The following TOX2 variants were observed in gnomAD, a reference collection of about 807,000 sequenced individuals.
TOX2 encodes TOX high mobility group box family member 2.
In TOX2, 15 loss-of-function variants were observed where a neutral mutation model predicts 47.4. The ratio of observed to expected loss-of-function variants is 0.32; its 90% CI spans 0.21 to 0.49. The LOEUF (loss-of-function observed/expected upper bound fraction) is 0.49. Among genes scored for constraint, TOX2 ranks in the 20% least tolerant of loss-of-function variants. The pLI is 0.99. For synonymous variants in TOX2, 290 were observed against 296.6 expected (o/e 0.98, Z 0.23); for missense variants, 622 against 673.1 (o/e 0.92, Z 0.84).
chr20:43,959,065 T>A (rs560646175), intron 1 of TOX2, among the ~76,000 whole-genome samples: 1 of 152,308 alleles, frequency 6.6e-6, no homozygotes, highest in East Asian at 1.9e-4. Flanking sequence ...TCAGAAGGGT[T>A]CAATAGTCAA....
Position 43,957,567 on chromosome 20 carries a change from CTTTT to C in TOX2, c.100-15783_100-15780del, listed in dbSNP as rs35133028. 2.3e-3 allele frequency among the ~76,000 whole-genome samples: 247 copies of C among 105,782 alleles called. 1 individual carries two copies. The highest frequency in any genetic ancestry group is 7.2e-3 in the African/African-American group (220 of 30,514). 69.4% of individuals were successfully genotyped at this position (105,782 alleles called of 152,430 possible). ...TTACCTGGCATAAAGTAAATGCCCT[CTTTT>C]TTTTTTTTTTTTTTTTGGCTTAAAC... On this transcript the variant is annotated intron_variant, in intron 1 of 8. Transcript: ENST00000341197.
At chr20:44,065,689 G>A (rs367621482) in intron 6 of TOX2, 23 bp from the exon 7 acceptor site, 13 of 1,555,340 alleles carry the variant, frequency 8.4e-6, no homozygotes, top group African/African-American at 5.4e-5. Context: ...GTTCTCCAGT[G>A]ACTGATATCT....
intron 3 of TOX2, among the ~76,000 whole-genome samples, chr20:44,041,084 A>G (rs2071324570): frequency 6.6e-6 from 1 of 152,152 alleles, no homozygotes; most frequent in Non-Finnish European, 1.5e-5. Flanking sequence ...CTGAGCATGG[A>G]TGTAGCCTCG....
At position 44,017,890 on chromosome 20, in the gene TOX2, G is replaced by A. The variant is rs76154625; in HGVS notation, c.411+11098G>A. On this transcript the variant is annotated intron_variant, in intron 3 of 8. Transcript: ENST00000341197. The stretch of plus-strand genomic sequence containing the variant: ...CCTGGGCTCTCCATATCTAGCCCAT[G>A]TAGCCTTCCAAAATGAATGAGTGAA... Among the ~76,000 whole-genome samples the A allele has an allele frequency of 2.6e-3, 398 of 152,294 alleles. 2 individuals are homozygous for A. Among genetic ancestry groups the A allele is most frequent in the African/African-American group, 9.2e-3 (384 of 41,572 alleles).
intron 1 of TOX2, among the ~76,000 whole-genome samples, chr20:43,945,169 A>G (rs1049082324): frequency 2.0e-4 from 30 of 152,236 alleles, no homozygotes; most frequent in Non-Finnish European, 2.9e-4. Context: ...GAAACAAGAA[A>G]GAAAAAAGCA....
intron 3 of TOX2, among the ~76,000 whole-genome samples, chr20:44,046,155 A>C (rs1241632193): frequency 6.6e-6 from 1 of 152,238 alleles, no homozygotes; most frequent in Admixed American, 6.5e-5. Context: ...GCAGGACAAA[A>C]ATAAAACAGT....
intron 2 of TOX2, among the ~76,000 whole-genome samples, chr20:43,996,194 TA>T (rs1397635999): frequency 2.0e-5 from 3 of 152,246 alleles, no homozygotes; most frequent in Admixed American, 6.5e-5. Context: ...GGCTTTTTCA[TA>T]ATAGCTATTC....
At chr20:44,042,020 G>A (rs1569126480) in intron 3 of TOX2, among the ~76,000 whole-genome samples, 1 of 152,200 alleles carries the variant, frequency 6.6e-6, no homozygotes, top group Non-Finnish European at 1.5e-5. Context: ...GTATTAGTCT[G>A]TTCTCATGCT....
chr20:44,000,534 G>A (rs911840868), intron 2 of TOX2, among the ~76,000 whole-genome samples: 1 of 152,072 alleles, frequency 6.6e-6, no homozygotes, highest in Non-Finnish European at 1.5e-5. Flanking sequence ...AACATCCAAA[G>A]GGAAGGACAA....
At chr20:43,993,969 A>G (rs1031318994) in intron 2 of TOX2, among the ~76,000 whole-genome samples, 8 of 151,974 alleles carry the variant, frequency 5.3e-5, no homozygotes, top group Non-Finnish European at 1.0e-4. Flanking sequence ...TCTGGGCAAT[A>G]TAGCAAGACC....
intron 2 of TOX2, among the ~76,000 whole-genome samples, chr20:43,994,318 G>A (rs11904951): frequency 0.39 from 59,619 of 151,328 alleles, 11,976 homozygotes; most frequent in South Asian, 0.51. Flanking sequence ...AATTAACCAG[G>A]TGTGTTGGCT....
chr20:44,023,886 A>G (rs1456598326), intron 3 of TOX2, among the ~76,000 whole-genome samples: 1 of 152,120 alleles, frequency 6.6e-6, no homozygotes, highest in Non-Finnish European at 1.5e-5. Flanking sequence ...TGACAACCTC[A>G]TTGCTGCCTC....
At chr20:43,972,172 C>T (rs1002225736) in intron 1 of TOX2, among the ~76,000 whole-genome samples, 3 of 152,182 alleles carry the variant, frequency 2.0e-5, no homozygotes, top group African/African-American at 7.2e-5. Flanking sequence ...TGTGCTTGGT[C>T]AATTGGGGGC....
At chr20:43,952,643 C>T (rs954240270) in intron 1 of TOX2, among the ~76,000 whole-genome samples, 1 of 152,180 alleles carries the variant, frequency 6.6e-6, no homozygotes, top group Non-Finnish European at 1.5e-5. Context: ...AGACGCATAG[C>T]TCCAATAAAT....
At chr20:44,031,194 T>C (rs1035867802) in intron 3 of TOX2, among the ~76,000 whole-genome samples, 30 of 152,196 alleles carry the variant, frequency 2.0e-4, no homozygotes, top group African/African-American at 7.2e-4. Flanking sequence ...GAATGGGCAT[T>C]GGAAGCAGCG....
At chr20:44,006,435 C>T in intron 2 of TOX2, 112 bp from the exon 3 acceptor site, 1 of 1,492,116 alleles carries the variant, frequency 6.7e-7, no homozygotes, top group Middle Eastern at 1.8e-4. Flanking sequence ...TCCCTTCTCT[C>T]CTTTGCCAAG....
chr20:43,952,140 A>G (rs1421131435), intron 1 of TOX2, among the ~76,000 whole-genome samples: 2 of 151,764 alleles, frequency 1.3e-5, no homozygotes, highest in Non-Finnish European at 2.9e-5. Flanking sequence ...TGACCTCGTG[A>G]TCTGCCCGCC....
intron 2 of TOX2, among the ~76,000 whole-genome samples, chr20:43,998,750 T>TCTATCTATCTATCTATCTAC (rs1569079448): frequency 2.6e-5 from 4 of 152,100 alleles, no homozygotes; most frequent in African/African-American, 7.2e-5. Flanking sequence ...TATCTATCTA[T>TCTATCTATCTATCTATCTAC]CTATCTATCT....
rs1348303974 is a variant in TOX2, at chr20:44,051,318, G to T, written c.424G>T (p.Val142Phe). ...SGQLPTIQEM[V>F]HSEVAAYDSG... ...CCTCCTCTCTTAGATCCAGGAGATG[G>T]TCCACTCGGAAGTGGCTGCCTATGA... The change falls in exon 4 of 9, where the codon GTC (valine) becomes TTC (phenylalanine). Residue 142 changes from valine (V) to phenylalanine (F), a missense_variant. By Grantham distance (50) the Val-to-Phe change is conservative. Coordinates refer to ENST00000341197, the MANE Select transcript of TOX2 (RefSeq NM_001098797.2). 2 of 1,608,212 alleles carry T rather than the reference G, an allele frequency of 1.2e-6. No homozygotes were observed. Among genetic ancestry groups the T allele is most frequent in the Non-Finnish European group, 1.7e-6 (2 of 1,175,862 alleles).
Sources: allele counts gnomAD v4.1 joint callset (sites outside exome capture counted in the v4.1 genomes callset), GRCh38; gene constraint gnomAD v4.1.1; transcripts MANE v1.5; gene names NCBI Gene and HGNC (gene_info 2026-07-23, HGNC 2026-07-21).